The following BBX variants were observed in gnomAD, a reference collection of about 807,000 sequenced individuals.
BBX encodes HMG box transcription factor BBX.
Under a neutral mutation model 100.2 loss-of-function variants are expected in BBX, and 30 were observed. That is an observed-to-expected ratio of 0.30 (90% CI 0.22 to 0.41). BBX has a LOEUF of 0.41. Among genes scored for constraint, BBX ranks in the 10% least tolerant of loss-of-function variants. The probability of loss-of-function intolerance (pLI) is 1.00; values close to 1 mark genes in which losing one functional copy is unlikely to be tolerated. For synonymous variants in BBX, 376 were observed against 388.1 expected (o/e 0.97, Z 0.37); for missense variants, 1,023 against 1,129.8 (o/e 0.91, Z 1.35).
chr3:107,638,849 T>G (rs2057027142), intron 2 of BBX, among the ~76,000 whole-genome samples: 2 of 142,380 alleles, frequency 1.4e-5, no homozygotes, highest in African/African-American at 5.2e-5. Flanking sequence ...ATTAGCCAGG[T>G]CTGGTGGCAT....
At chr3:107,727,223 C>T (rs958737631) in intron 5 of BBX, among the ~76,000 whole-genome samples, 2 of 152,216 alleles carry the variant, frequency 1.3e-5, no homozygotes, top group Middle Eastern at 3.4e-3. Context: ...AAACCCGGCC[C>T]GTGTGCTTTT....
intron 2 of BBX, among the ~76,000 whole-genome samples, chr3:107,620,669 C>T (rs2055677293): frequency 6.6e-6 from 1 of 152,152 alleles, no homozygotes; most frequent in East Asian, 1.9e-4. Context: ...GCACAGTCTA[C>T]CTTTCACCAG....
chr3:107,686,742 G>T (rs1357369614), intron 3 of BBX, among the ~76,000 whole-genome samples: 1 of 152,092 alleles, frequency 6.6e-6, no homozygotes, highest in African/African-American at 2.4e-5. Context: ...AAAGGCCCAG[G>T]TTTGGCCATG....
At chr3:107,533,200 AC>A (rs1242095154) in intron 2 of BBX, among the ~76,000 whole-genome samples, 1 of 152,192 alleles carries the variant, frequency 6.6e-6, no homozygotes, top group Admixed American at 6.5e-5. Flanking sequence ...TTTAAACCCC[AC>A]AAAAATCTGA....
At chr3:107,627,347 T>C (rs533850970) in intron 2 of BBX, among the ~76,000 whole-genome samples, 154 of 152,336 alleles carry the variant, frequency 1.0e-3, no homozygotes, top group African/African-American at 3.6e-3. Context: ...TGTATCTCTA[T>C]GAAGAAGAGA....
chr3:107,769,307 G>A (rs1257828939), intron 10 of BBX, among the ~76,000 whole-genome samples: 1 of 152,042 alleles, frequency 6.6e-6, no homozygotes, highest in Non-Finnish European at 1.5e-5. Context: ...GCTTTGTAAA[G>A]CTTTGTATCA....
At chr3:107,779,964 G>A (rs2067703559) in intron 13 of BBX, among the ~76,000 whole-genome samples, 1 of 152,070 alleles carries the variant, frequency 6.6e-6, no homozygotes, top group South Asian at 2.1e-4. Context: ...CAAGTCTAGT[G>A]AATAAAGAAC....
rs2071159118 is a variant in BBX, at chr3:107,808,294, TG to T, written c.*2838del. On this transcript the variant is annotated 3_prime_UTR_variant, in exon 18 of 18. Transcript: ENST00000325805. The stretch of plus-strand genomic sequence containing the variant: ...ACCAAAATATGATGCTCTTCTGCTT[TG>T]TTTTATTCTAAATTGTTGTATCATA... 1 of 152,224 alleles carries T rather than the reference TG, an allele frequency of 6.6e-6. No individual in the cohort carries two copies. The highest frequency in any genetic ancestry group is 1.5e-5 in the Non-Finnish European group (1 of 68,038). 9.4% of individuals were successfully genotyped at this position (152,224 alleles called of 1,614,324 possible).
chr3:107,570,111 G>A (rs2051237730), intron 2 of BBX, among the ~76,000 whole-genome samples: 1 of 152,198 alleles, frequency 6.6e-6, no homozygotes, highest in South Asian at 2.1e-4. Context: ...GCAAGATCCT[G>A]GGGCGGGCAG....
At chr3:107,659,891 A>G in intron 3 of BBX, 1 of 444,126 alleles carries the variant, frequency 2.3e-6, no homozygotes, top group South Asian at 2.3e-5. Context: ...GACGTATAAT[A>G]TGACAGATTC....
intron 3 of BBX, among the ~76,000 whole-genome samples, chr3:107,705,502 G>C (rs145206278): frequency 6.6e-6 from 1 of 152,308 alleles, no homozygotes; most frequent in East Asian, 1.9e-4. Context: ...TTCTGACTGT[G>C]TATCACTCAG....
At chr3:107,653,676 C>T (rs1246715530) in intron 3 of BBX, among the ~76,000 whole-genome samples, 4 of 152,104 alleles carry the variant, frequency 2.6e-5, no homozygotes, top group East Asian at 3.9e-4. Flanking sequence ...TAACATTTAC[C>T]GTAAAGCAAT....
At chr3:107,752,652 T>C (rs565491585) in intron 9 of BBX, among the ~76,000 whole-genome samples, 2 of 152,336 alleles carry the variant, frequency 1.3e-5, no homozygotes, top group East Asian at 3.9e-4. Flanking sequence ...CCTCATGTAC[T>C]GTTGCACCCA....
chr3:107,758,392 G>A (rs557340871), intron 10 of BBX, among the ~76,000 whole-genome samples: 24 of 152,236 alleles, frequency 1.6e-4, no homozygotes, highest in African/African-American at 4.6e-4. Context: ...GTTTCCCAAG[G>A]GTCAAGTGGA....
intron 3 of BBX, among the ~76,000 whole-genome samples, chr3:107,650,155 C>T (rs2057756923): frequency 6.6e-6 from 1 of 152,168 alleles, no homozygotes; most frequent in Admixed American, 6.5e-5. Context: ...GGGTCCCCGA[C>T]TTCCTGGGCC....
chr3:107,538,097 ACTT>A (rs2048619931), intron 2 of BBX, among the ~76,000 whole-genome samples: 1 of 152,198 alleles, frequency 6.6e-6, no homozygotes, highest in Non-Finnish European at 1.5e-5. Context: ...GGTAATAAGA[ACTT>A]CTTTTTAGGT....
chr3:107,539,191 T>C (rs1253887993), intron 2 of BBX, among the ~76,000 whole-genome samples: 1 of 152,188 alleles, frequency 6.6e-6, no homozygotes, highest in African/African-American at 2.4e-5. Flanking sequence ...TTATCTTTAT[T>C]TTTTGCAACA....
chr3:107,736,971 T>C (rs1211162577), intron 7 of BBX, among the ~76,000 whole-genome samples: 1 of 152,152 alleles, frequency 6.6e-6, no homozygotes, highest in Non-Finnish European at 1.5e-5. Context: ...GGAAGTACCT[T>C]AGACTTTGGG....
At chr3:107,668,716 T>C (rs2058874799) in intron 3 of BBX, among the ~76,000 whole-genome samples, 1 of 152,212 alleles carries the variant, frequency 6.6e-6, no homozygotes, top group Non-Finnish European at 1.5e-5. Flanking sequence ...TCTTCACTCA[T>C]TGGAGCTTAA....
Sources: allele counts gnomAD v4.1 joint callset (sites outside exome capture counted in the v4.1 genomes callset), GRCh38; gene constraint gnomAD v4.1.1; transcripts MANE v1.5; gene names NCBI Gene and HGNC (gene_info 2026-07-23, HGNC 2026-07-21).